The following DLG2 variants were observed in gnomAD, a reference collection of about 807,000 sequenced individuals.
DLG2 encodes disks large homolog 2.
In DLG2, 45 loss-of-function variants were observed where a neutral mutation model predicts 132.5. That is an observed-to-expected ratio of 0.34 (90% confidence interval 0.27 to 0.44). The LOEUF (loss-of-function observed/expected upper bound fraction) is 0.44, where lower values mean the gene tolerates loss of function less well. DLG2 is among the 20% of genes least tolerant of loss of function. The pLI is 1.00. For missense variants in DLG2, 1,045 were observed against 1,196.9 expected (o/e 0.87, Z 1.87); for synonymous variants, 424 against 419.6 (o/e 1.01, Z -0.13).
intron 17 of DLG2, among the ~76,000 whole-genome samples, chr11:83,805,918 T>A (rs1442207673): frequency 6.6e-6 from 1 of 152,124 alleles, no homozygotes; most frequent in African/African-American, 2.4e-5. Context: ...GGTCACTCAG[T>A]GTATTTGTAG....
At chr11:84,607,719 G>C (rs1488141446) in intron 6 of DLG2, among the ~76,000 whole-genome samples, 1 of 151,740 alleles carries the variant, frequency 6.6e-6, no homozygotes, top group Non-Finnish European at 1.5e-5. Context: ...ACTTTAATCA[G>C]GTTATTCTCA....
chr11:83,457,410 A>C lies in DLG2; in HGVS notation c.*2408T>G, dbSNP rs1352335666. 6.6e-6 allele frequency: 1 copy of C among 152,642 alleles called. No homozygotes were observed. Among genetic ancestry groups the C allele is most frequent in the African/African-American group, 2.4e-5 (1 of 41,446 alleles). 9.5% of individuals were successfully genotyped at this position (152,642 alleles called of 1,614,324 possible). On this transcript the variant is annotated 3_prime_UTR_variant, in exon 28 of 28. Transcript: ENST00000376104. ...GCTTGGTGATTCTTCAAGCAAATAT[A>C]TATGTATCTATATATTTATATAAAT... is the stretch of plus-strand genomic sequence containing the variant.
chr11:83,515,106 C>G (rs2095242680), intron 21 of DLG2, among the ~76,000 whole-genome samples: 1 of 152,054 alleles, frequency 6.6e-6, no homozygotes, highest in African/African-American at 2.4e-5. Context: ...GGAATGGTAC[C>G]AGCTCCTCCT....
At chr11:83,593,444 T>C (rs1357489694) in intron 19 of DLG2, among the ~76,000 whole-genome samples, 1 of 151,152 alleles carries the variant, frequency 6.6e-6, no homozygotes. Flanking sequence ...AATTGAACAA[T>C]GAGATCACAT....
chr11:83,957,430 G>A (rs1195509073), intron 14 of DLG2, among the ~76,000 whole-genome samples: 4 of 152,098 alleles, frequency 2.6e-5, no homozygotes, highest in African/African-American at 9.7e-5. Flanking sequence ...ACCTTGCTCT[G>A]AGATATAGCT....
intron 6 of DLG2, among the ~76,000 whole-genome samples, chr11:84,642,282 A>G (rs929106781): frequency 6.6e-6 from 1 of 151,794 alleles, no homozygotes; most frequent in Non-Finnish European, 1.5e-5. Context: ...AACACAGCAA[A>G]GTCCTGAAAA....
chr11:84,746,082 G>A (rs542183600), intron 6 of DLG2, among the ~76,000 whole-genome samples: 4 of 152,050 alleles, frequency 2.6e-5, no homozygotes, highest in South Asian at 2.1e-4. Context: ...CTACTCTCAG[G>A]GAGCTTAGAC....
At chr11:85,282,704 A>G (rs2078306950) in intron 4 of DLG2, among the ~76,000 whole-genome samples, 1 of 151,960 alleles carries the variant, frequency 6.6e-6, no homozygotes, top group African/African-American at 2.4e-5. Context: ...TCTATGCAAT[A>G]TATATGGGAC....
chr11:85,342,706 T>C (rs2082582519), intron 3 of DLG2, among the ~76,000 whole-genome samples: 1 of 152,204 alleles, frequency 6.6e-6, no homozygotes, highest in African/African-American at 2.4e-5. Context: ...TAGGTTTGTT[T>C]ATACCAGCAT....
intron 3 of DLG2, among the ~76,000 whole-genome samples, chr11:85,445,712 G>A (rs1180914347): frequency 2.0e-5 from 3 of 152,152 alleles, no homozygotes; most frequent in Non-Finnish European, 4.4e-5. Context: ...GCACTAATCA[G>A]AACAGGCACA....
intron 6 of DLG2, among the ~76,000 whole-genome samples, chr11:84,943,163 T>C (rs78379908): frequency 2.3e-5 from 3 of 130,556 alleles, no homozygotes; most frequent in South Asian, 4.9e-4. Flanking sequence ...CGTGTGTGTG[T>C]GTGCGTGTGT....
intron 6 of DLG2, among the ~76,000 whole-genome samples, chr11:84,552,546 C>A (rs564516382): frequency 1.3e-5 from 2 of 152,306 alleles, no homozygotes; most frequent in African/African-American, 4.8e-5. Context: ...ACCTCACCCC[C>A]AGACTGCGGT....
chr11:85,126,748 A>C (rs1312425500), intron 5 of DLG2, among the ~76,000 whole-genome samples: 2 of 152,180 alleles, frequency 1.3e-5, no homozygotes, highest in East Asian at 3.9e-4. Flanking sequence ...AAAAAGATAC[A>C]AAGATAAAGA....
At chr11:83,895,468 C>CT (rs1473427493) in intron 15 of DLG2, among the ~76,000 whole-genome samples, 1 of 152,120 alleles carries the variant, frequency 6.6e-6, no homozygotes, top group Middle Eastern at 3.2e-3. Flanking sequence ...CCACTACTGT[C>CT]TTTTTTAACA....
At chr11:83,866,545 G>A (rs745726421) in intron 16 of DLG2, among the ~76,000 whole-genome samples, 1 of 152,058 alleles carries the variant, frequency 6.6e-6, no homozygotes, top group Admixed American at 6.6e-5. Flanking sequence ...CTGATTAAGA[G>A]GGGCAATTTT....
At chr11:84,613,263 A>G (rs1397088248) in intron 6 of DLG2, among the ~76,000 whole-genome samples, 1 of 152,160 alleles carries the variant, frequency 6.6e-6, no homozygotes, top group Non-Finnish European at 1.5e-5. Context: ...GAGATAGTTT[A>G]AAAACACCAG....
chr11:85,192,142 G>A (rs1455882027), intron 4 of DLG2, among the ~76,000 whole-genome samples: 1 of 151,974 alleles, frequency 6.6e-6, no homozygotes, highest in Non-Finnish European at 1.5e-5. Context: ...AAAGACTTAG[G>A]GTTATATCCC....
chr11:84,758,575 C>T (rs1665741723), intron 6 of DLG2, among the ~76,000 whole-genome samples: 1 of 152,020 alleles, frequency 6.6e-6, no homozygotes, highest in Non-Finnish European at 1.5e-5. Context: ...CTGTTTCTTA[C>T]CCTATAGTTT....
chr11:84,945,719 G>A (rs1263479269), intron 6 of DLG2, among the ~76,000 whole-genome samples: 1 of 152,106 alleles, frequency 6.6e-6, no homozygotes, highest in Non-Finnish European at 1.5e-5. Flanking sequence ...GCTGCCTGTG[G>A]TTGAGAAAGA....
Sources: allele counts gnomAD v4.1 joint callset (sites outside exome capture counted in the v4.1 genomes callset), GRCh38; gene constraint gnomAD v4.1.1; transcripts MANE v1.5; gene names NCBI Gene and HGNC (gene_info 2026-07-23, HGNC 2026-07-21).